RBFOX1: variants seen among roughly 807,000 people sequenced by gnomAD.
RBFOX1 encodes the protein RNA binding protein fox-1 homolog 1.
Under a neutral mutation model 57.7 loss-of-function variants are expected in RBFOX1, and 8 were observed. The observed-to-expected ratio is 0.14, with a 90% CI of 0.08 to 0.25. The LOEUF is 0.25. RBFOX1 is among the 10% of genes least tolerant of loss of function. The pLI, the probability that RBFOX1 is intolerant of heterozygous loss-of-function variation, is 1.00. For missense variants in RBFOX1, 611 were observed against 548.5 expected (o/e 1.11, Z -1.14); for synonymous variants, 326 against 222.4 (o/e 1.47, Z -4.15).
intron 3 of RBFOX1, among the ~76,000 whole-genome samples, chr16:5,755,182 C>A (rs1001976627): frequency 2.1e-4 from 27 of 129,322 alleles, no homozygotes; most frequent in Admixed American, 1.7e-4. Flanking sequence ...CCATTCAACT[C>A]TGAGTTGACA....
chr16:5,909,604 C>G (rs1353747176), intron 4 of RBFOX1, among the ~76,000 whole-genome samples: 2 of 152,244 alleles, frequency 1.3e-5, no homozygotes, highest in East Asian at 3.9e-4. Flanking sequence ...ATAAGTGAAG[C>G]CACTGGAGAG....
intron 3 of RBFOX1, among the ~76,000 whole-genome samples, chr16:7,045,018 T>C (rs1228277905): frequency 6.6e-6 from 1 of 152,170 alleles, no homozygotes; most frequent in Non-Finnish European, 1.5e-5. Flanking sequence ...CAACTCATGA[T>C]GGGATTCTGC....
intron 4 of RBFOX1, among the ~76,000 whole-genome samples, chr16:5,920,283 T>G (rs1597795725): frequency 6.6e-6 from 1 of 152,326 alleles, no homozygotes; most frequent in South Asian, 2.1e-4. Context: ...TCACTCAGTC[T>G]TATTCCTTTT....
intron 3 of RBFOX1, among the ~76,000 whole-genome samples, chr16:7,026,009 A>C (rs1328543143): frequency 6.6e-6 from 1 of 152,122 alleles, no homozygotes; most frequent in African/African-American, 2.4e-5. Context: ...TGGGTTTGGG[A>C]TCAGACCCCA....
At chr16:7,011,235 A>T (rs1318055476) in intron 3 of RBFOX1, among the ~76,000 whole-genome samples, 4 of 152,132 alleles carry the variant, frequency 2.6e-5, no homozygotes, top group Non-Finnish European at 4.4e-5. Flanking sequence ...GGCTGGTTCT[A>T]AGGGCTTTTG....
At chr16:7,037,482 T>A (rs1482015575) in intron 3 of RBFOX1, among the ~76,000 whole-genome samples, 3 of 152,150 alleles carry the variant, frequency 2.0e-5, no homozygotes, top group African/African-American at 7.2e-5. Context: ...ATTGTGATGC[T>A]GTCTGCTAAA....
intron 2 of RBFOX1, among the ~76,000 whole-genome samples, chr16:6,638,109 C>G (rs562320219): frequency 6.6e-6 from 1 of 152,184 alleles, no homozygotes; most frequent in South Asian, 2.1e-4. Context: ...ATGTTGTAGG[C>G]CTGCCATTGT....
intron 1 of RBFOX1, among the ~76,000 whole-genome samples, chr16:5,323,145 G>A (rs1366756521): frequency 1.3e-5 from 2 of 152,242 alleles, no homozygotes; most frequent in Non-Finnish European, 2.9e-5. Context: ...GCTTAGCACA[G>A]TCTGGACATA....
intron 3 of RBFOX1, among the ~76,000 whole-genome samples, chr16:6,904,698 C>T (rs1025972544): frequency 4.0e-5 from 6 of 151,364 alleles, no homozygotes; most frequent in African/African-American, 7.3e-5. Context: ...TGCTTTTTCC[C>T]GTCAGTTTCT....
At chr16:7,118,716 T>C (rs1046725927) in intron 4 of RBFOX1, among the ~76,000 whole-genome samples, 1 of 152,200 alleles carries the variant, frequency 6.6e-6, no homozygotes, top group African/African-American at 2.4e-5. Context: ...AATGTTAGGA[T>C]GTGGGGATCA....
chr16:6,162,145 C>T (rs959945340), intron 1 of RBFOX1, among the ~76,000 whole-genome samples: 3 of 152,210 alleles, frequency 2.0e-5, no homozygotes, highest in South Asian at 2.1e-4. Context: ...GGAGACTGGG[C>T]GTCACTCTGT....
intron 3 of RBFOX1, among the ~76,000 whole-genome samples, chr16:5,692,148 T>G (rs916640743): frequency 6.6e-6 from 1 of 150,556 alleles, no homozygotes; most frequent in Non-Finnish European, 1.5e-5. Flanking sequence ...ACCAAACCCA[T>G]GCATAATAGG....
chr16:7,115,475 G>A (rs2065692271), intron 4 of RBFOX1, among the ~76,000 whole-genome samples: 1 of 152,204 alleles, frequency 6.6e-6, no homozygotes, highest in South Asian at 2.1e-4. Flanking sequence ...CCGAAAGCAT[G>A]TTTGCTGAGT....
At chr16:7,110,422 G>C (rs2064500932) in intron 4 of RBFOX1, among the ~76,000 whole-genome samples, 1 of 152,030 alleles carries the variant, frequency 6.6e-6, no homozygotes, top group East Asian at 1.9e-4. Flanking sequence ...AGATGAATTT[G>C]CTTGCAAAAC....
At chr16:5,903,424 C>T (rs994602262) in intron 4 of RBFOX1, among the ~76,000 whole-genome samples, 1 of 152,116 alleles carries the variant, frequency 6.6e-6, no homozygotes, top group African/African-American at 2.4e-5. Context: ...CTGGGCAGAT[C>T]CCTGTTTGCA....
chr16:6,945,232 A>C (rs759432576), intron 3 of RBFOX1, among the ~76,000 whole-genome samples: 1 of 152,124 alleles, frequency 6.6e-6, no homozygotes, highest in Non-Finnish European at 1.5e-5. Flanking sequence ...TCAGCCACTT[A>C]ATCTTCACGT....
chr16:6,140,464 G>A (rs2096707146), intron 1 of RBFOX1, among the ~76,000 whole-genome samples: 1 of 152,130 alleles, frequency 6.6e-6, no homozygotes, highest in South Asian at 2.1e-4. Context: ...CCAAACTGCT[G>A]GGATTACAGG....
At chr16:6,489,687 T>C (rs1005030008) in intron 2 of RBFOX1, among the ~76,000 whole-genome samples, 1 of 152,162 alleles carries the variant, frequency 6.6e-6, no homozygotes, top group Non-Finnish European at 1.5e-5. Flanking sequence ...GAAAACGGAC[T>C]TACCTGTTTT....
intron 2 of RBFOX1, among the ~76,000 whole-genome samples, chr16:5,538,728 G>T (rs183288391): frequency 6.6e-6 from 1 of 151,470 alleles, no homozygotes; most frequent in African/African-American, 2.4e-5. Context: ...CCGGATTCAA[G>T]TGATTGTCCT....
Sources: allele counts gnomAD v4.1 joint callset (sites outside exome capture counted in the v4.1 genomes callset), GRCh38; gene constraint gnomAD v4.1.1; transcripts MANE v1.5; gene names NCBI Gene and HGNC (gene_info 2026-07-23, HGNC 2026-07-21).